The following DCAF6 variants were observed in gnomAD, a reference collection of about 807,000 sequenced individuals.
DCAF6 encodes the protein DDB1 and CUL4 associated factor 6, also known as DDB1- and CUL4-associated factor 6.
DCAF6 carries 54 observed loss-of-function variants against 125.1 expected under a neutral mutation model. The observed-to-expected ratio is 0.43, with a 90% confidence interval of 0.35 to 0.54. DCAF6 has a LOEUF of 0.54. Ranked by LOEUF, DCAF6 falls within the 20% of genes least tolerant of loss-of-function variation. The pLI is 0.01. For synonymous variants in DCAF6, 371 were observed against 390.4 expected (o/e 0.95, Z 0.58); for missense variants, 934 against 1,161.7 (o/e 0.80, Z 2.85).
chr1:168,012,806 A>C (rs1684479832), intron 10 of DCAF6, among the ~76,000 whole-genome samples: 1 of 152,228 alleles, frequency 6.6e-6, no homozygotes, highest in South Asian at 2.1e-4. Context: ...AAAGCACCGG[A>C]AATATTGAAT....
chr1:168,014,368 T>C (rs1684681646), intron 10 of DCAF6, among the ~76,000 whole-genome samples: 1 of 152,188 alleles, frequency 6.6e-6, no homozygotes, highest in African/African-American at 2.4e-5. Context: ...GATCATTCAG[T>C]TCTCCAGCTC....
the DCAF6 span, among the ~76,000 whole-genome samples, chr1:167,906,896 A>T: frequency 1.3e-5 from 2 of 152,232 alleles, no homozygotes; most frequent in African/African-American, 4.8e-5. Flanking sequence ...GGGATTTTTA[A>T]AGGCTTTGTT....
chr1:168,019,899 G>T, intron 11 of DCAF6: 1 of 157,856 alleles, frequency 6.3e-6, no homozygotes. Flanking sequence ...CTTCTCAGAT[G>T]GATGCATTGG....
chr1:167,991,868 C>T (rs978031711), intron 6 of DCAF6, among the ~76,000 whole-genome samples: 3 of 152,134 alleles, frequency 2.0e-5, no homozygotes, highest in African/African-American at 7.2e-5. Flanking sequence ...CACCCCTAAT[C>T]CAGTTAGGGT....
At chr1:168,068,509 ATATAT>A in intron 21 of DCAF6, 46 bp downstream of exon 21, 1 of 970,606 alleles carries the variant, frequency 1.0e-6, no homozygotes, top group Non-Finnish European at 1.4e-6. Context: ...ATATTTGAAA[ATATAT>A]TATTATTTAA....
intron 17 of DCAF6, among the ~76,000 whole-genome samples, chr1:168,063,415 C>A (rs1691859766): frequency 6.6e-6 from 1 of 152,122 alleles, no homozygotes. Context: ...TCTAAGTGAT[C>A]TCTTAACTAA....
At chr1:168,044,862 C>T (rs764777880) in intron 15 of DCAF6, 38 bp from the exon 16 acceptor site, 183 of 1,595,492 alleles carry the variant, frequency 1.1e-4, no homozygotes, top group Non-Finnish European at 1.5e-4. Context: ...GTATTGCCCA[C>T]ATTACCACCT....
At position 167,974,684 on chromosome 1, in the gene DCAF6, A is replaced by T. The variant is rs1023845648; in HGVS notation, c.253-146A>T. The T allele has an allele frequency of 1.3e-5, 7 of 545,928 alleles. No individual in the cohort carries two copies. In the African/African-American group the frequency reaches 1.4e-4, roughly 11 times the overall value. The allele number at this position is 545,928 out of a possible 1,614,324, so 33.8% of individuals were successfully genotyped here. ...AAATATATGGGATTCTGATTTTTTT[A>T]AATTATAATAGCTTGCAGTCTAGTG... On this transcript the variant is annotated intron_variant, in intron 3 of 21. Coordinates refer to ENST00000367840, the MANE Select transcript of DCAF6 (RefSeq NM_001198956.2).
chr1:167,967,125 G>A (rs947055401), intron 3 of DCAF6, among the ~76,000 whole-genome samples: 2 of 152,040 alleles, frequency 1.3e-5, no homozygotes, highest in African/African-American at 4.8e-5. Flanking sequence ...AATAGTGTGG[G>A]TAAAGCTGCC....
At chr1:167,989,030 A>C (rs988382942) in intron 5 of DCAF6, among the ~76,000 whole-genome samples, 1 of 151,932 alleles carries the variant, frequency 6.6e-6, no homozygotes, top group Admixed American at 6.6e-5. Flanking sequence ...CAGTGAGCCG[A>C]GATCACACCA....
the DCAF6 span, chr1:167,875,174 C>G: frequency 6.2e-7 from 1 of 1,614,010 alleles, no homozygotes; most frequent in African/African-American, 1.3e-5. Context: ...TGAGGCACGC[C>G]ATACCAAACA....
intron 19 of DCAF6, 119 bp downstream of exon 19, chr1:168,065,865 A>G (rs1692260994): frequency 6.2e-6 from 6 of 963,026 alleles, no homozygotes; most frequent in Non-Finnish European, 8.8e-6. Flanking sequence ...CTGACTAGGC[A>G]GCAGTAGAGT....
At chr1:167,924,350 A>G in the DCAF6 span, 21 of 588,192 alleles carry the variant, frequency 3.6e-5, no homozygotes, top group East Asian at 2.3e-4. Context: ...GTAGAAAACG[A>G]TATGTCTGAG....
the DCAF6 span, chr1:167,875,160 C>A: frequency 6.2e-7 from 1 of 1,614,158 alleles, no homozygotes; most frequent in Non-Finnish European, 8.5e-7. Context: ...CTTTCTGTTG[C>A]AGATGAGGCA....
chr1:168,054,176 C>T (rs1372912576), intron 17 of DCAF6, among the ~76,000 whole-genome samples: 1 of 152,106 alleles, frequency 6.6e-6, no homozygotes, highest in Non-Finnish European at 1.5e-5. Context: ...TTTCCTGTTG[C>T]TTATGATAGA....
chr1:168,051,944 A>G (rs1689996121), intron 17 of DCAF6, among the ~76,000 whole-genome samples: 4 of 150,044 alleles, frequency 2.7e-5, no homozygotes, highest in African/African-American at 9.8e-5. Flanking sequence ...GCAGTGGCGC[A>G]GTCCCAGCCC....
intron 17 of DCAF6, among the ~76,000 whole-genome samples, chr1:168,061,914 A>T (rs1429184480): frequency 6.6e-6 from 1 of 152,152 alleles, no homozygotes; most frequent in Non-Finnish European, 1.5e-5. Context: ...CTAGGTATAT[A>T]TCCAACATAA....
chr1:168,017,671 T>G (rs1265424303), intron 11 of DCAF6, among the ~76,000 whole-genome samples: 2 of 152,130 alleles, frequency 1.3e-5, no homozygotes, highest in African/African-American at 4.8e-5. Context: ...GAGTAACAAT[T>G]ATAAAACTTT....
intron 16 of DCAF6, among the ~76,000 whole-genome samples, chr1:168,045,520 G>T (rs1689058472): frequency 6.6e-6 from 1 of 152,284 alleles, no homozygotes; most frequent in East Asian, 1.9e-4. Flanking sequence ...TGACCCACAG[G>T]TTATTTATGA....
Sources: allele counts gnomAD v4.1 joint callset (sites outside exome capture counted in the v4.1 genomes callset), GRCh38; gene constraint gnomAD v4.1.1; transcripts MANE v1.5; gene names NCBI Gene and HGNC (gene_info 2026-07-23, HGNC 2026-07-21).